TMTC3: variants seen among roughly 807,000 people sequenced by gnomAD.
TMTC3 encodes the protein transmembrane O-mannosyltransferase targeting cadherins 3.
In TMTC3, 52 loss-of-function variants were observed where a neutral mutation model predicts 92.2. The ratio of observed to expected loss-of-function variants is 0.56; its 90% confidence interval spans 0.45 to 0.71. The LOEUF (loss-of-function observed/expected upper bound fraction) is 0.71, where lower values mean the gene tolerates loss of function less well. Ranked by LOEUF, TMTC3 falls within the 30% of genes least tolerant of loss-of-function variation. The probability of loss-of-function intolerance (pLI) is 0.00; values close to 1 mark genes in which losing one functional copy is unlikely to be tolerated. For synonymous variants in TMTC3, 339 were observed against 363.3 expected (o/e 0.93, Z 0.76); for missense variants, 896 against 1,057.1 (o/e 0.85, Z 2.11).
chr12:88,174,215 A>G (rs1441766604), intron 8 of TMTC3, among the ~76,000 whole-genome samples: 6 of 152,110 alleles, frequency 3.9e-5, no homozygotes, highest in Non-Finnish European at 8.8e-5. Flanking sequence ...TAAGTAAAAC[A>G]TTTTCAAATG....
intron 7 of TMTC3, among the ~76,000 whole-genome samples, chr12:88,168,133 A>G (rs2041166451): frequency 6.6e-6 from 1 of 152,256 alleles, no homozygotes; most frequent in Admixed American, 6.5e-5. Context: ...GATCCTGAAT[A>G]GAAGACATAT....
chr12:88,175,619 A>AGT (rs1298821145), intron 9 of TMTC3, among the ~76,000 whole-genome samples: 2 of 152,132 alleles, frequency 1.3e-5, no homozygotes, highest in African/African-American at 2.4e-5. Flanking sequence ...CTAGGATACC[A>AGT]GTGGAGCCCC....
At chr12:88,186,469 A>G (rs1319997666) in intron 10 of TMTC3, among the ~76,000 whole-genome samples, 1 of 152,198 alleles carries the variant, frequency 6.6e-6, no homozygotes, top group Non-Finnish European at 1.5e-5. Context: ...AACTGATTAT[A>G]GAAACCTAGT....
chr12:88,198,158 A>G lies in TMTC3; in HGVS notation c.*2509A>G, dbSNP rs1239351820. 2.5e-6 allele frequency: 1 copy of G among 394,194 alleles called. No homozygotes were observed. Among genetic ancestry groups the G allele is most frequent in the African/African-American group, 2.1e-5 (1 of 48,530 alleles). The allele number at this position is 394,194 out of a possible 1,614,324, so 24.4% of individuals were successfully genotyped here. On this transcript the variant is annotated 3_prime_UTR_variant, in exon 14 of 14. Transcript: ENST00000266712. ...TATTATTTCTTCTCTATAACTTCAAAATAGATATTTCATTCAAACTGTTCA... is the reference window on the plus strand; with the variant it reads ...TATTATTTCTTCTCTATAACTTCAAGATAGATATTTCATTCAAACTGTTCA...
chr12:88,154,341 A>G lies in TMTC3; in HGVS notation c.462A>G (p.Ala154=), dbSNP rs2040980396. 1.9e-6 allele frequency: 3 copies of G among 1,609,254 alleles called. No individual in the cohort carries two copies. The East Asian group carries it at 6.7e-5, about 36-fold the overall frequency. ...AELLSSIFFL[A]AFLSYTRSKG... is the part of the protein sequence containing the mutation. Reference sequence around the variant, plus strand: ...TTTTGTCATCTATCTTTTTTCTAGCAGCTTTTTTGTCATATACCAGATCAA... The same window carrying G: ...TTTTGTCATCTATCTTTTTTCTAGCGGCTTTTTTGTCATATACCAGATCAA... The change falls in exon 4 of 14, where the codon GCA becomes GCG. Residue 154 remains alanine, a synonymous_variant. Transcript: ENST00000266712.
intron 1 of TMTC3, among the ~76,000 whole-genome samples, chr12:88,144,418 T>C (rs1369909793): frequency 6.6e-6 from 1 of 151,930 alleles, no homozygotes; most frequent in Non-Finnish European, 1.5e-5. Flanking sequence ...GTTTTTTTTT[T>C]CATTCGTTAT....
At chr12:88,173,133 C>A in intron 8 of TMTC3, 2 of 1,175,676 alleles carry the variant, frequency 1.7e-6, no homozygotes, top group Non-Finnish European at 2.2e-6. Context: ...ATATAGTAAG[C>A]AATCTGTAAT....
At chr12:88,170,456 C>T (rs890998283) in intron 7 of TMTC3, among the ~76,000 whole-genome samples, 3 of 151,984 alleles carry the variant, frequency 2.0e-5, no homozygotes, top group Non-Finnish European at 4.4e-5. Context: ...ATTCTATGCA[C>T]TCTTAGTTAT....
At chr12:88,160,544 T>G in intron 5 of TMTC3, 135 bp from the exon 6 acceptor site, 20 of 815,232 alleles carry the variant, frequency 2.5e-5, no homozygotes, top group Non-Finnish European at 3.6e-5. Flanking sequence ...TTATTCATTA[T>G]TAGCTTCACA....
At chr12:88,168,608 G>A (rs1469814082) in intron 7 of TMTC3, among the ~76,000 whole-genome samples, 1 of 152,160 alleles carries the variant, frequency 6.6e-6, no homozygotes, top group Non-Finnish European at 1.5e-5. Context: ...GGATATCCCT[G>A]ATGGGTTGGC....
In TMTC3 at chr12:88,195,545, G is replaced by GA. The variant is rs758885902; in HGVS notation, c.2642dup (p.Thr882AspfsTer13). On this transcript the variant is annotated frameshift_variant, in exon 14 of 14. Coordinates refer to ENST00000266712, the MANE Select transcript of TMTC3 (RefSeq NM_181783.4). LOFTEE classifies it high-confidence loss of function. ...ACAATTAGGAAAAAATGGAGACGAA[G>GA]AGACACCCCACAAAACAACAAAAGA... 6.2e-7 allele frequency: 1 copy of GA among 1,613,226 alleles called. No individual in the cohort carries two copies. The highest frequency in any genetic ancestry group is 8.5e-7 in the Non-Finnish European group (1 of 1,179,682).
rs749383212 is a variant in TMTC3, at chr12:88,166,452, G to A, written c.920G>A (p.Gly307Glu). 3 of 1,613,786 alleles carry A rather than the reference G, an allele frequency of 1.9e-6. No individual in the cohort carries two copies. The highest frequency in any genetic ancestry group is 2.5e-6 in the Non-Finnish European group (3 of 1,179,930). Residue 307 changes from glycine (G) to glutamate (E), a missense_variant, in exon 7 of 14, where the codon GGA (glycine) becomes GAA (glutamate). Transcript: ENST00000266712. ...PSELCCDWTM[G>E]TIPLIESLLD... The stretch of plus-strand genomic sequence containing the variant: ...GAGCTCTGCTGTGATTGGACCATGG[G>A]AACAATACCACTTATAGAGTCATTA...
intron 10 of TMTC3, among the ~76,000 whole-genome samples, chr12:88,183,387 C>T (rs1429076734): frequency 6.6e-6 from 1 of 152,138 alleles, no homozygotes; most frequent in South Asian, 2.1e-4. Flanking sequence ...CCTTGTTGAT[C>T]TTGCATTGCC....
At chr12:88,153,585 ATT>A in intron 3 of TMTC3, 76 bp downstream of exon 3, 1 of 769,418 alleles carries the variant, frequency 1.3e-6, no homozygotes, top group Non-Finnish European at 1.9e-6. Flanking sequence ...AATGGTATAT[ATT>A]TTTAAGAAAA....
rs1184949275 is a variant in TMTC3 at position 88,176,273 on chromosome 12, T to TGA, written c.1392_1393dup (p.Ala465GlufsTer3). On this transcript the variant is annotated frameshift_variant, in exon 10 of 14. Coordinates refer to ENST00000266712, the MANE Select transcript of TMTC3 (RefSeq NM_181783.4). LOFTEE classifies it high-confidence loss of function. The stretch of plus-strand genomic sequence containing the variant: ...ATGCTCTGGAAAATGAAAAGAACTT[T>TGA]GAGAGAGCTTTGAAATACTTCTTAC... 6.2e-7 allele frequency: 1 copy of TGA among 1,612,558 alleles called. No homozygotes were observed. The highest frequency in any genetic ancestry group is 8.5e-7 in the Non-Finnish European group (1 of 1,179,214).
chr12:88,148,498 G>T lies in TMTC3; in HGVS notation c.183G>T (p.Met61Ile). ...LFQNDFWGTPMSEERSHKSYR... is the reference protein window; with the variant it reads ...LFQNDFWGTPISEERSHKSYR... Reference sequence around the variant, plus strand: ...AAAATGACTTCTGGGGAACCCCTATGTCTGAGGTAAGTAATTACTTACATA... The same window carrying T: ...AAAATGACTTCTGGGGAACCCCTATTTCTGAGGTAAGTAATTACTTACATA... The change falls in exon 2 of 14, where the codon ATG (methionine) becomes ATT (isoleucine). Residue 61 changes from methionine (M) to isoleucine (I), a missense_variant. Met to Ile is a conservative substitution (Grantham distance 10). Transcript: ENST00000266712. 1 of 1,599,302 alleles carries T rather than the reference G, an allele frequency of 6.3e-7. No individual in the cohort carries two copies. The highest frequency in any genetic ancestry group is 8.5e-7 in the Non-Finnish European group (1 of 1,172,568).
chr12:88,162,890 A>G (rs2041095806), intron 6 of TMTC3, among the ~76,000 whole-genome samples: 1 of 149,616 alleles, frequency 6.7e-6, no homozygotes, highest in South Asian at 2.1e-4. Context: ...AAAATGTTTT[A>G]TCTTTCAGTC....
rs63408360 is a variant in TMTC3, at chr12:88,195,908, AAAG to A, written c.*263_*265del. 0.092 allele frequency: 25,060 copies of A among 273,104 alleles called. 2,322 individuals carry two copies. Among genetic ancestry groups the A allele is most frequent in the African/African-American group, 0.29 (13,062 of 45,416 alleles). The allele number at this position is 273,104 out of a possible 1,614,324, so 16.9% of individuals were successfully genotyped here. The stretch of plus-strand genomic sequence containing the variant: ...GACAAATTTACAACTTTTATTATAG[AAAG>A]AAGGTGTTTCTGGCAATGTAATCTT... On this transcript the variant is annotated 3_prime_UTR_variant, in exon 14 of 14. Transcript: ENST00000266712.
In TMTC3 at chr12:88,195,300, C is replaced by T; in HGVS notation, c.2396C>T (p.Ala799Val). The T allele has an allele frequency of 6.2e-7, 1 of 1,613,814 alleles. No individual in the cohort carries two copies. The highest frequency in any genetic ancestry group is 1.1e-5 in the South Asian group (1 of 91,074). ...GAAAGATGCCTTCTTGAAACACTGG[C>T]ATTAGCACCACATGAAGAATATATT... ...KAERCLLETL[A>V]LAPHEEYIQR... Residue 799 changes from alanine to valine, a missense_variant, in exon 14 of 14, where the codon GCA becomes GTA. Transcript: ENST00000266712.
Sources: gnomAD v4.1 joint callset for allele counts (sites outside exome capture counted in the v4.1 genomes callset) on GRCh38, gnomAD v4.1.1 for gene constraint, MANE v1.5 for transcripts, NCBI Gene and HGNC (gene_info 2026-07-23, HGNC 2026-07-21) for gene names.